PPARGC1A: variants seen among roughly 807,000 people sequenced by gnomAD.
PPARGC1A encodes the protein peroxisome proliferator-activated receptor gamma coactivator 1-alpha.
A neutral mutation model predicts 88.7 loss-of-function variants in PPARGC1A; 25 were observed. That is an observed-to-expected ratio of 0.28 (90% CI 0.21 to 0.39). The LOEUF (loss-of-function observed/expected upper bound fraction) is 0.39, where lower values mean the gene tolerates loss of function less well. Among genes scored for constraint, PPARGC1A ranks in the 10% least tolerant of loss-of-function variants. The pLI, the probability that PPARGC1A is intolerant of heterozygous loss-of-function variation, is 1.00. For synonymous variants in PPARGC1A, 363 were observed against 355.6 expected, an observed-to-expected ratio of 1.02 and a Z score of -0.24; for missense variants, 880 against 968.7, an observed-to-expected ratio of 0.91 and a Z score of 1.22.
chr4:24,411,510 A>C, the PPARGC1A span, among the ~76,000 whole-genome samples: 3 of 152,232 alleles, frequency 2.0e-5, no homozygotes, highest in Admixed American at 2.0e-4. Context: ...CTGTGAACCT[A>C]CATTGACACA....
chr4:24,200,655 CAAAA>C, the PPARGC1A span, among the ~76,000 whole-genome samples: 16 of 88,356 alleles, frequency 1.8e-4, no homozygotes, highest in Admixed American at 3.4e-4. Flanking sequence ...ATTTATTAAG[CAAAA>C]AAAAAAAAAA....
chr4:24,467,008 G>GAGAA, the PPARGC1A span, among the ~76,000 whole-genome samples: 44,234 of 128,526 alleles, frequency 0.34, 7,932 homozygotes, highest in Admixed American at 0.41. Context: ...GAAGGAAGGG[G>GAGAA]AGAAAGAAAG....
chr4:24,043,595 G>A, the PPARGC1A span, among the ~76,000 whole-genome samples: 1 of 152,084 alleles, frequency 6.6e-6, no homozygotes, highest in African/African-American at 2.4e-5. Context: ...TCGATCGCAT[G>A]TTATGATATC....
intron 12 of PPARGC1A, among the ~76,000 whole-genome samples, chr4:23,798,751 A>G (rs1294363511): frequency 6.6e-6 from 1 of 152,058 alleles, no homozygotes; most frequent in East Asian, 1.9e-4. Context: ...AGAAAGATCC[A>G]TTTGCTTATA....
the PPARGC1A span, among the ~76,000 whole-genome samples, chr4:24,387,117 T>C: frequency 5.8e-3 from 881 of 152,164 alleles, 5 homozygotes; most frequent in Middle Eastern, 0.014. Context: ...CTTTGACAAA[T>C]CTGACAAAAA....
the PPARGC1A span, among the ~76,000 whole-genome samples, chr4:24,351,466 A>AAAATTCTACTCGGAAATT: frequency 1.3e-5 from 2 of 152,112 alleles, no homozygotes; most frequent in Non-Finnish European, 2.9e-5. Flanking sequence ...ATTACAAAAC[A>AAAATTCTACTCGGAAATT]ACTCAAAATT....
At chr4:23,972,527 T>A in the PPARGC1A span, among the ~76,000 whole-genome samples, 2 of 152,206 alleles carry the variant, frequency 1.3e-5, no homozygotes, top group African/African-American at 4.8e-5. Context: ...TTTTCAGACA[T>A]AATACGTATG....
the PPARGC1A span, among the ~76,000 whole-genome samples, chr4:24,324,325 C>A: frequency 3.3e-5 from 5 of 152,228 alleles, no homozygotes; most frequent in Non-Finnish European, 5.9e-5. Flanking sequence ...GGGGCAAGAA[C>A]CCCCCAGTCG....
chr4:23,952,791 C>T, the PPARGC1A span, among the ~76,000 whole-genome samples: 1 of 152,164 alleles, frequency 6.6e-6, no homozygotes, highest in East Asian at 1.9e-4. Flanking sequence ...CAGCTAAAGA[C>T]TTTCAGTTTT....
the PPARGC1A span, among the ~76,000 whole-genome samples, chr4:24,267,011 T>A: frequency 1.3e-5 from 2 of 152,186 alleles, no homozygotes; most frequent in East Asian, 3.9e-4. Context: ...TACATCAGCT[T>A]CCTCTAAATA....
the PPARGC1A span, among the ~76,000 whole-genome samples, chr4:24,245,409 G>A: frequency 6.6e-6 from 1 of 152,150 alleles, no homozygotes; most frequent in African/African-American, 2.4e-5. Flanking sequence ...CTCAGAATGT[G>A]ACATTTCAAG....
chr4:23,951,832 C>A, the PPARGC1A span, among the ~76,000 whole-genome samples: 7 of 152,120 alleles, frequency 4.6e-5, no homozygotes. Flanking sequence ...ACTTCCAAGA[C>A]GTTTCAGGAG....
chr4:24,356,803 A>G, the PPARGC1A span, among the ~76,000 whole-genome samples: 1 of 152,188 alleles, frequency 6.6e-6, no homozygotes, highest in Non-Finnish European at 1.5e-5. Flanking sequence ...TAAAATATAC[A>G]TTATATTATT....
chr4:23,933,117 C>T, the PPARGC1A span, among the ~76,000 whole-genome samples: 1 of 152,166 alleles, frequency 6.6e-6, no homozygotes, highest in South Asian at 2.1e-4. Flanking sequence ...GCCAAAACGT[C>T]TGAAAGCTCT....
chr4:23,934,957 G>A, the PPARGC1A span, among the ~76,000 whole-genome samples: 2 of 152,208 alleles, frequency 1.3e-5, no homozygotes, highest in Middle Eastern at 3.2e-3. Flanking sequence ...CATGTGAGCT[G>A]CACCCTTTCA....
At chr4:24,123,202 A>G in the PPARGC1A span, among the ~76,000 whole-genome samples, 1 of 152,300 alleles carries the variant, frequency 6.6e-6, no homozygotes, top group East Asian at 1.9e-4. Flanking sequence ...GTCCTGGCCA[A>G]CCAAAATTGT....
chr4:24,175,233 G>A, the PPARGC1A span, among the ~76,000 whole-genome samples: 1 of 152,086 alleles, frequency 6.6e-6, no homozygotes, highest in Non-Finnish European at 1.5e-5. Flanking sequence ...TTATTTACTG[G>A]AGAAAATGGA....
At chr4:24,072,651 TC>T in the PPARGC1A span, among the ~76,000 whole-genome samples, 3 of 152,146 alleles carry the variant, frequency 2.0e-5, no homozygotes, top group Non-Finnish European at 4.4e-5. Flanking sequence ...CCTCAAAAAA[TC>T]ATTTAAAACA....
the PPARGC1A span, among the ~76,000 whole-genome samples, chr4:24,098,590 C>G: frequency 5.3e-5 from 8 of 152,168 alleles, no homozygotes; most frequent in Non-Finnish European, 1.0e-4. Context: ...CATTTCAATA[C>G]TTAAGTGTAC....
Sources: allele counts gnomAD v4.1 joint callset (sites outside exome capture counted in the v4.1 genomes callset), GRCh38; gene constraint gnomAD v4.1.1; transcripts MANE v1.5; gene names NCBI Gene and HGNC (gene_info 2026-07-23, HGNC 2026-07-21).